Variants in ARFGEF2 observed in about 807,000 individuals in gnomAD.
ARFGEF2 encodes ARF guanine nucleotide exchange factor 2.
In ARFGEF2, 74 loss-of-function variants were observed where a neutral mutation model predicts 219.9. The ratio of observed to expected loss-of-function variants is 0.34; its 90% CI spans 0.28 to 0.41. The LOEUF (loss-of-function observed/expected upper bound fraction) is 0.41. ARFGEF2 is among the 10% of genes least tolerant of loss of function. The probability of loss-of-function intolerance (pLI) is 1.00; values close to 1 mark genes in which losing one functional copy is unlikely to be tolerated. For synonymous variants in ARFGEF2, 733 were observed against 799.2 expected (o/e 0.92, Z 1.40); for missense variants, 1,743 against 2,218.3 (o/e 0.79, Z 4.30).
At chr20:49,009,578 T>G (rs2091483391) in intron 26 of ARFGEF2, among the ~76,000 whole-genome samples, 1 of 152,204 alleles carries the variant, frequency 6.6e-6, no homozygotes, top group Non-Finnish European at 1.5e-5. Context: ...ATAATAAGGT[T>G]CCTCCATAAT....
At chr20:48,969,312 C>T in intron 9 of ARFGEF2, 35 bp downstream of exon 9, 1 of 1,613,858 alleles carries the variant, frequency 6.2e-7, no homozygotes, top group Non-Finnish European at 8.5e-7. Context: ...ACCTTCAGTC[C>T]AATGATCCAG....
At chr20:48,987,860 T>C (rs929450668) in intron 16 of ARFGEF2, among the ~76,000 whole-genome samples, 1 of 152,218 alleles carries the variant, frequency 6.6e-6, no homozygotes. Flanking sequence ...CAATCTCAGC[T>C]CACTGCAACC....
intron 15 of ARFGEF2, 55 bp downstream of exon 15, chr20:48,984,895 C>A: frequency 6.2e-7 from 1 of 1,611,538 alleles, no homozygotes; most frequent in Non-Finnish European, 8.5e-7. Context: ...GATTGTGAGC[C>A]CTTACCAGTT....
At chr20:48,969,401 G>T in intron 9 of ARFGEF2, 124 bp downstream of exon 9, 1 of 1,575,552 alleles carries the variant, frequency 6.3e-7, no homozygotes, top group South Asian at 1.1e-5. Flanking sequence ...TGTAAGTGCA[G>T]GAACGGTTTT....
chr20:48,985,329 C>G (rs1440556155), intron 15 of ARFGEF2, 79 bp from the exon 16 acceptor site: 2 of 1,489,680 alleles, frequency 1.3e-6, no homozygotes, highest in Non-Finnish European at 1.9e-6. Context: ...GCTATTCTGA[C>G]TCCACCCTTT....
At chr20:48,952,243 C>T (rs754470963) in intron 4 of ARFGEF2, among the ~76,000 whole-genome samples, 2 of 150,210 alleles carry the variant, frequency 1.3e-5, no homozygotes, top group South Asian at 2.1e-4. Flanking sequence ...GCAAACTCCA[C>T]CTCACAGGTT....
chr20:49,010,507 T>C, intron 27 of ARFGEF2, 103 bp downstream of exon 27: 1 of 1,322,932 alleles, frequency 7.6e-7, no homozygotes, highest in Non-Finnish European at 1.1e-6. Flanking sequence ...CTACCTTGGC[T>C]CTACTGTGAT....
chr20:48,930,669 G>C (rs2090907760), intron 1 of ARFGEF2, among the ~76,000 whole-genome samples: 1 of 152,158 alleles, frequency 6.6e-6, no homozygotes, highest in Non-Finnish European at 1.5e-5. Flanking sequence ...TGTGGAGTTT[G>C]GTCTGCCTTT....
intron 1 of ARFGEF2, among the ~76,000 whole-genome samples, chr20:48,926,647 G>A (rs746863977): frequency 1.3e-5 from 2 of 151,986 alleles, no homozygotes; most frequent in Non-Finnish European, 2.9e-5. Flanking sequence ...TAGTAGAGAC[G>A]GGGTTTTTCT....
intron 16 of ARFGEF2, among the ~76,000 whole-genome samples, chr20:48,986,289 A>G (rs1040769228): frequency 1.3e-5 from 2 of 152,176 alleles, no homozygotes; most frequent in African/African-American, 4.8e-5. Flanking sequence ...TTAATCAGCT[A>G]GTAAGGAGCA....
chr20:49,029,745 C>T (rs925600783), intron 37 of ARFGEF2, among the ~76,000 whole-genome samples: 62 of 151,788 alleles, frequency 4.1e-4, no homozygotes, highest in African/African-American at 1.3e-3. Context: ...GCGCGTGCCA[C>T]CATACCTGGC....
At chr20:48,988,034 C>T (rs1186091820) in intron 16 of ARFGEF2, among the ~76,000 whole-genome samples, 1 of 152,158 alleles carries the variant, frequency 6.6e-6, no homozygotes, top group Non-Finnish European at 1.5e-5. Context: ...GTGATCCACC[C>T]ATCTCGGCCT....
At chr20:48,941,346 A>G (rs1011132833) in intron 2 of ARFGEF2, 117 bp downstream of exon 2, 7 of 1,085,064 alleles carry the variant, frequency 6.5e-6, no homozygotes, top group Non-Finnish European at 6.9e-6. Flanking sequence ...GGTGGCACAC[A>G]CTCTGCAAGC....
intron 26 of ARFGEF2, among the ~76,000 whole-genome samples, chr20:49,007,495 G>T (rs1051288224): frequency 1.3e-5 from 2 of 151,516 alleles, no homozygotes; most frequent in African/African-American, 4.8e-5. Context: ...CACCATGCTG[G>T]TCAGGCTGGT....
In ARFGEF2 at chr20:48,985,621, C is replaced by T; in HGVS notation, c.2276+8C>T. Reference sequence around the variant, plus strand: ...CATAGAATGCAACCAAGGGTGAGCGCCGATTTTGAGTCCCTTCCAGATCAT... The same window carrying T: ...CATAGAATGCAACCAAGGGTGAGCGTCGATTTTGAGTCCCTTCCAGATCAT... On this transcript the variant is annotated splice_region_variant and intron_variant, in intron 16 of 38. Coordinates refer to ENST00000371917, the MANE Select transcript of ARFGEF2 (RefSeq NM_006420.3). 6.2e-7 allele frequency: 1 copy of T among 1,613,854 alleles called. No homozygotes were observed.
chr20:48,998,112 G>A lies in ARFGEF2; in HGVS notation c.3222-81G>A, dbSNP rs575168937. ...TGACCTCAAGTGATACACCCTCCTC[G>A]GCCTCCCAAAGTGCTGAGATTACAG... On this transcript the variant is annotated intron_variant, in intron 23 of 38. Transcript: ENST00000371917. The A allele has an allele frequency of 1.7e-5, 23 of 1,316,416 alleles. No individual in the cohort carries two copies. The East Asian group carries it at 2.4e-4, about 14-fold the overall frequency. The allele number at this position is 1,316,416 out of a possible 1,614,324, so 81.5% of individuals were successfully genotyped here. A position where few individuals can be genotyped will look rare whatever the true frequency, so the allele number is the denominator to read the frequency against.
chr20:48,940,544 GCTAA>G (rs1457117185), intron 1 of ARFGEF2, among the ~76,000 whole-genome samples: 6 of 152,204 alleles, frequency 3.9e-5, no homozygotes, highest in Non-Finnish European at 7.3e-5. Flanking sequence ...TATTGTGTCA[GCTAA>G]CTGTCATGAA....
intron 14 of ARFGEF2, among the ~76,000 whole-genome samples, chr20:48,980,786 C>T (rs141244043): frequency 1.2e-4 from 18 of 152,236 alleles, no homozygotes; most frequent in African/African-American, 4.1e-4. Flanking sequence ...TCTGTTTTAT[C>T]AGAGACTAGG....
intron 6 of ARFGEF2, among the ~76,000 whole-genome samples, chr20:48,958,603 A>AT (rs111862053): frequency 7.5e-4 from 111 of 148,018 alleles, no homozygotes; most frequent in Non-Finnish European, 9.8e-4. Context: ...CGCCTGGCTA[A>AT]TTTTTTTTTT....
Sources: gnomAD v4.1 joint callset for allele counts (sites outside exome capture counted in the v4.1 genomes callset) on GRCh38, gnomAD v4.1.1 for gene constraint, MANE v1.5 for transcripts, NCBI Gene and HGNC (gene_info 2026-07-23, HGNC 2026-07-21) for gene names.